GON4L: variants seen among roughly 807,000 people sequenced by gnomAD.
The protein encoded by GON4L is GON-4-like protein.
Under a neutral mutation model 211.8 loss-of-function variants are expected in GON4L, and 87 were observed. The ratio of observed to expected loss-of-function variants is 0.41; its 90% CI spans 0.35 to 0.49. GON4L has a LOEUF of 0.49. Among genes scored for constraint, GON4L ranks in the 20% least tolerant of loss-of-function variants. The pLI, the probability that GON4L is intolerant of heterozygous loss-of-function variation, is 0.15. For synonymous variants in GON4L, 875 were observed against 962.6 expected (o/e 0.91, Z 1.68); for missense variants, 2,155 against 2,659.5 (o/e 0.81, Z 4.17).
intron 15 of GON4L, among the ~76,000 whole-genome samples, chr1:155,777,415 C>T (rs1663929585): frequency 6.6e-6 from 1 of 152,054 alleles, no homozygotes; most frequent in African/African-American, 2.4e-5. Context: ...CCTGTCTCTA[C>T]TAAAAATACA....
chr1:155,750,171 A>G lies in GON4L; in HGVS notation c.*413T>C, dbSNP rs1660430930. On this transcript the variant is annotated 3_prime_UTR_variant, in exon 32 of 32. Coordinates refer to ENST00000368331, the MANE Select transcript of GON4L (RefSeq NM_001282860.2). ...GTGTGGGAGAAAGGAGCTAGTTTGC[A>G]ATAAAAACAGCTGGATGCAGGAGCC... is the stretch of plus-strand genomic sequence containing the variant. 1.7e-6 allele frequency: 1 copy of G among 580,924 alleles called. No individual in the cohort carries two copies. The highest frequency in any genetic ancestry group is 3.0e-6 in the Non-Finnish European group (1 of 328,994). 36.0% of individuals were successfully genotyped at this position (580,924 alleles called of 1,614,324 possible). A position where few individuals can be genotyped will look rare whatever the true frequency, so the allele number is the denominator to read the frequency against.
At chr1:155,745,407 T>C (rs1230853919), downstream of GON4L, among the ~76,000 whole-genome samples, 1 of 152,256 alleles carries the variant, frequency 6.6e-6, no homozygotes, top group Non-Finnish European at 1.5e-5. Context: ...TGGGAGGCTT[T>C]AGCGGAGCTT....
rs141153342 is a variant in GON4L, at chr1:155,837,021, T to G, written c.506-9993A>C. Among the ~76,000 whole-genome samples, 257 of 152,308 alleles carry G rather than the reference T, an allele frequency of 1.7e-3. 1 individual carries two copies. Among genetic ancestry groups the G allele is most frequent in the Non-Finnish European group, 2.8e-3 (190 of 68,028 alleles). ...TTGGCCACCCCCAGGTTTTCAGCAT[T>G]TGGTATGGGGACCCTCACTGGCCAA... On this transcript the variant is annotated intron_variant, in intron 2 of 31. Transcript: ENST00000368331.
At chr1:155,755,977 T>TAA (rs34653577) in intron 27 of GON4L, among the ~76,000 whole-genome samples, 83 of 125,630 alleles carry the variant, frequency 6.6e-4, no homozygotes, top group African/African-American at 2.3e-3. Context: ...AAACACGAAT[T>TAA]AAAAAAAAAA....
chr1:155,780,997 G>A (rs189991155), intron 14 of GON4L, among the ~76,000 whole-genome samples: 483 of 152,170 alleles, frequency 3.2e-3, no homozygotes, highest in Non-Finnish European at 4.4e-3. Context: ...AAGCCTGTGG[G>A]ACTGTCTTAT....
At chr1:155,808,372 C>T (rs544026876) in intron 10 of GON4L, among the ~76,000 whole-genome samples, 1 of 152,246 alleles carries the variant, frequency 6.6e-6, no homozygotes, top group East Asian at 1.9e-4. Context: ...ATCTACACCC[C>T]TTATCATGGT....
chr1:155,754,268 GTTAT>G (rs1557820783), intron 28 of GON4L, 103 bp downstream of exon 28: 1 of 779,038 alleles, frequency 1.3e-6, no homozygotes, highest in Non-Finnish European at 2.4e-6. Context: ...TATACTGAAT[GTTAT>G]TTATATATGT....
intron 1 of GON4L, among the ~76,000 whole-genome samples, chr1:155,855,193 G>T (rs1310177159): frequency 6.6e-6 from 1 of 152,024 alleles, no homozygotes; most frequent in African/African-American, 2.4e-5. Context: ...TAAACCAGAG[G>T]GTATCCTCTA....
Position 155,821,513 on chromosome 1 carries a change from C to T in GON4L, c.924G>A (p.Met308Ile). 6.2e-7 allele frequency: 1 copy of T among 1,606,248 alleles called. No homozygotes were observed. Among genetic ancestry groups the T allele is most frequent in the Non-Finnish European group, 8.5e-7 (1 of 1,173,028 alleles). The part of the protein sequence containing the change: ...VITNEHVVAM[M>I]KAAISETEDM... Reference sequence around the variant, plus strand: ...CTTCCGTCTCACTGATGGCTGCTTTCATCATAGCTACCACGTGTTCATTTG... The same window carrying T: ...CTTCCGTCTCACTGATGGCTGCTTTTATCATAGCTACCACGTGTTCATTTG... Residue 308 changes from methionine (M) to isoleucine (I), a missense_variant, in exon 5 of 32, where the codon ATG (methionine) becomes ATA (isoleucine). Physicochemically the swap from Met to Ile is conservative, Grantham distance 10 (BLOSUM62 1). Around this residue, in one of 6 missense-constraint regions of GON4L, gnomAD observed 551 missense variants for 854.0 expected, o/e 0.65. Coordinates refer to ENST00000368331, the MANE Select transcript of GON4L (RefSeq NM_001282860.2).
chr1:155,836,238 G>C (rs1670284576), intron 2 of GON4L, among the ~76,000 whole-genome samples: 1 of 137,152 alleles, frequency 7.3e-6, no homozygotes, highest in Admixed American at 8.4e-5. Context: ...CTCAATGTGT[G>C]TTTTGTTTTC....
At chr1:155,776,821 G>T (rs1031395021) in intron 15 of GON4L, among the ~76,000 whole-genome samples, 9 of 152,146 alleles carry the variant, frequency 5.9e-5, no homozygotes, top group Non-Finnish European at 1.3e-4. Flanking sequence ...CCAAAGTGCT[G>T]GGATTACAGG....
chr1:155,788,004 T>C (rs1170206499), intron 12 of GON4L, among the ~76,000 whole-genome samples: 3 of 152,164 alleles, frequency 2.0e-5, no homozygotes, highest in Non-Finnish European at 4.4e-5. Context: ...TTTATTTTAT[T>C]TTTTTGAGAC....
At chr1:155,842,868 T>C (rs1307986886) in intron 2 of GON4L, among the ~76,000 whole-genome samples, 1 of 151,358 alleles carries the variant, frequency 6.6e-6, no homozygotes, top group East Asian at 1.9e-4. Context: ...AAGGATTCCT[T>C]GAAGATCAAT....
intron 10 of GON4L, among the ~76,000 whole-genome samples, chr1:155,808,931 T>G (rs1667422427): frequency 6.6e-6 from 1 of 152,032 alleles, no homozygotes. Context: ...AAAATTTTTT[T>G]TAAAAAAGTT....
At chr1:155,820,729 C>T in intron 5 of GON4L, 73 bp from the exon 6 acceptor site, 4 of 1,149,532 alleles carry the variant, frequency 3.5e-6, no homozygotes, top group Non-Finnish European at 5.2e-6. Context: ...TGCCTATAAT[C>T]CTAGCACTTT....
chr1:155,830,643 G>A (rs1669673216), intron 2 of GON4L, among the ~76,000 whole-genome samples: 1 of 152,062 alleles, frequency 6.6e-6, no homozygotes, highest in African/African-American at 2.4e-5. Context: ...CTGAAGTGCA[G>A]TGGTACGATC....
intron 22 of GON4L, among the ~76,000 whole-genome samples, chr1:155,763,014 C>T (rs1445251997): frequency 2.0e-5 from 3 of 148,356 alleles, no homozygotes; most frequent in South Asian, 2.1e-4. Flanking sequence ...CCAGCCTGGG[C>T]GACAGAGCAA....
At chr1:155,759,966 T>TATATATATATATATG (rs1491568851) in intron 24 of GON4L, among the ~76,000 whole-genome samples, 1 of 96,044 alleles carries the variant, frequency 1.0e-5, no homozygotes. Context: ...TTTTATATAT[T>TATATATATATATATG]ATATATATAT....
intron 5 of GON4L, among the ~76,000 whole-genome samples, 169 bp downstream of exon 5, chr1:155,821,305 A>T (rs567179753): frequency 6.6e-6 from 1 of 151,822 alleles, no homozygotes; most frequent in Admixed American, 6.6e-5. Context: ...TAATAATAAA[A>T]TAACAAATAA....
Sources: allele counts gnomAD v4.1 joint callset (sites outside exome capture counted in the v4.1 genomes callset), GRCh38; gene constraint gnomAD v4.1.1; regional missense constraint gnomAD v4.1.1; transcripts MANE v1.5; gene names NCBI Gene and HGNC (gene_info 2026-07-23, HGNC 2026-07-21).